The following SNX24 variants were observed in gnomAD, a reference collection of about 807,000 sequenced individuals.
SNX24 encodes the protein sorting nexin-24.
SNX24 carries 22 observed loss-of-function variants against 28.7 expected under a neutral mutation model. The observed-to-expected ratio is 0.77, with a 90% CI of 0.55 to 1.10. The LOEUF (loss-of-function observed/expected upper bound fraction) is 1.10. SNX24 is among the 50% of genes least tolerant of loss of function. The pLI is 0.00. For synonymous variants in SNX24, 69 were observed against 71.5 expected, an observed-to-expected ratio of 0.96 and a Z score of 0.18; for missense variants, 221 against 201.1, an observed-to-expected ratio of 1.10 and a Z score of -0.60.
At chr5:122,891,918 C>T (rs904302771) in intron 1 of SNX24, among the ~76,000 whole-genome samples, 3 of 152,162 alleles carry the variant, frequency 2.0e-5, no homozygotes, top group African/African-American at 7.2e-5. Flanking sequence ...TTGCTTCTCT[C>T]ATTGAAATAG....
chr5:122,855,844 A>C (rs751145837), intron 1 of SNX24, among the ~76,000 whole-genome samples: 1 of 152,170 alleles, frequency 6.6e-6, no homozygotes, highest in Non-Finnish European at 1.5e-5. Context: ...TAATTTACCT[A>C]ATTTCAATAT....
At chr5:123,020,840 A>G (rs942771254) in intron 5 of SNX24, among the ~76,000 whole-genome samples, 1 of 152,146 alleles carries the variant, frequency 6.6e-6, no homozygotes, top group African/African-American at 2.4e-5. Flanking sequence ...GTTCCTTTAC[A>G]TTCTTTCAGA....
At chr5:123,007,211 G>A (rs1032019012) in intron 6 of SNX24, among the ~76,000 whole-genome samples, 1 of 152,096 alleles carries the variant, frequency 6.6e-6, no homozygotes, top group South Asian at 2.1e-4. Context: ...GCTCTCTTTC[G>A]AAGCTAGTCT....
intron 3 of SNX24, among the ~76,000 whole-genome samples, chr5:122,946,743 T>C (rs2150125881): frequency 6.6e-6 from 1 of 152,336 alleles, no homozygotes; most frequent in East Asian, 1.9e-4. Flanking sequence ...AAAGACCGTC[T>C]CTTTACCAAG....
intron 4 of SNX24, among the ~76,000 whole-genome samples, chr5:123,000,597 T>C (rs1762213079): frequency 6.6e-6 from 1 of 152,166 alleles, no homozygotes; most frequent in South Asian, 2.1e-4. Flanking sequence ...CCCTATCTAT[T>C]GGTCTAAACC....
Position 122,936,808 on chromosome 5 carries a change from G to C in SNX24, c.135G>C (p.Leu45Phe), listed in dbSNP as rs758437669. The C allele has an allele frequency of 3.1e-6, 5 of 1,601,846 alleles. No individual in the cohort carries two copies. The highest frequency in any genetic ancestry group is 3.4e-6 in the Non-Finnish European group (4 of 1,171,036). ...AGAGATACAGCGAATTTCATGCTTT[G>C]CACAAAAAGGTAACTTGTTTTCTGT... ...VEKRYSEFHA[L>F]HKKLKKCIKT... Residue 45 changes from leucine to phenylalanine, a missense_variant, in exon 2 of 7, where the codon TTG becomes TTC. Coordinates refer to ENST00000261369, the MANE Select transcript of SNX24 (RefSeq NM_014035.4).
chr5:122,892,506 C>T (rs967697031), intron 1 of SNX24, among the ~76,000 whole-genome samples: 1 of 151,242 alleles, frequency 6.6e-6, no homozygotes, highest in Admixed American at 6.6e-5. Context: ...GTGGCGTGAT[C>T]CTGGCTTACT....
chr5:122,862,824 A>G (rs539765295), intron 1 of SNX24, among the ~76,000 whole-genome samples: 46 of 152,190 alleles, frequency 3.0e-4, no homozygotes, highest in African/African-American at 1.0e-3. Context: ...TTGGAGGTCA[A>G]TTTGGCAGTA....
intron 1 of SNX24, among the ~76,000 whole-genome samples, chr5:122,913,244 G>T (rs1757975033): frequency 6.6e-6 from 1 of 152,240 alleles, no homozygotes; most frequent in Admixed American, 6.5e-5. Context: ...CTCCCAGATG[G>T]GGTGGTGGCC....
chr5:122,857,034 G>C (rs534963126), intron 1 of SNX24, among the ~76,000 whole-genome samples: 1 of 150,680 alleles, frequency 6.6e-6, no homozygotes, highest in East Asian at 2.0e-4. Flanking sequence ...TTTTTGAGAC[G>C]GAGTTTCGCT....
At chr5:122,855,468 C>G (rs1222542593) in intron 1 of SNX24, among the ~76,000 whole-genome samples, 3 of 152,128 alleles carry the variant, frequency 2.0e-5, no homozygotes, top group Non-Finnish European at 2.9e-5. Flanking sequence ...GTATTTTACC[C>G]TCAGAAATTC....
intron 1 of SNX24, among the ~76,000 whole-genome samples, chr5:122,867,060 A>G (rs1285924289): frequency 6.6e-6 from 1 of 152,152 alleles, no homozygotes; most frequent in African/African-American, 2.4e-5. Context: ...AAACAGCACT[A>G]TATATTATAT....
At chr5:122,910,839 G>A (rs910237809) in intron 1 of SNX24, among the ~76,000 whole-genome samples, 5 of 151,824 alleles carry the variant, frequency 3.3e-5, no homozygotes, top group African/African-American at 9.7e-5. Context: ...TGGTGTATAT[G>A]TGCCACATTT....
intron 3 of SNX24, among the ~76,000 whole-genome samples, chr5:122,971,931 A>G (rs1760977770): frequency 6.6e-6 from 1 of 152,130 alleles, no homozygotes; most frequent in Non-Finnish European, 1.5e-5. Flanking sequence ...GGTCTGGGCC[A>G]TTTGTAGTCC....
chr5:122,898,317 G>A (rs1413457401), intron 1 of SNX24, among the ~76,000 whole-genome samples: 1 of 152,162 alleles, frequency 6.6e-6, no homozygotes, highest in Non-Finnish European at 1.5e-5. Flanking sequence ...GGTGGCAAGG[G>A]GAAAATTGTC....
At chr5:122,854,363 C>T (rs1755072053) in intron 1 of SNX24, among the ~76,000 whole-genome samples, 1 of 152,100 alleles carries the variant, frequency 6.6e-6, no homozygotes, top group Non-Finnish European at 1.5e-5. Flanking sequence ...AAAAAATTAG[C>T]TGGGCGTGGT....
rs565931374 is a variant in SNX24 at position 122,964,880 on chromosome 5, A to G, written c.249+18721A>G. 3.9e-5 allele frequency among the ~76,000 whole-genome samples: 6 copies of G among 152,320 alleles called. No individual in the cohort carries two copies. The East Asian group carries it at 9.6e-4, about 24-fold the overall frequency. ...GTAAAACAATTCTAACAAAGGCTCC[A>G]TAATATCCTATACTGTGGATGCATT... On this transcript the variant is annotated intron_variant, in intron 3 of 6. Transcript: ENST00000261369.
At chr5:122,917,204 C>T (rs1161139582) in intron 1 of SNX24, among the ~76,000 whole-genome samples, 3 of 151,278 alleles carry the variant, frequency 2.0e-5, no homozygotes, top group Admixed American at 6.6e-5. Flanking sequence ...TTGCAGTGAG[C>T]CGAGATTGTG....
At chr5:122,931,926 A>T (rs1046011866) in intron 1 of SNX24, among the ~76,000 whole-genome samples, 2 of 152,020 alleles carry the variant, frequency 1.3e-5, no homozygotes, top group African/African-American at 4.8e-5. Context: ...AATATAAGTT[A>T]AGTCCTTCCT....
Sources: allele counts gnomAD v4.1 joint callset (sites outside exome capture counted in the v4.1 genomes callset), GRCh38; gene constraint gnomAD v4.1.1; transcripts MANE v1.5; gene names NCBI Gene and HGNC (gene_info 2026-07-23, HGNC 2026-07-21).